The following SMARCC1 variants were observed in gnomAD, a reference collection of about 807,000 sequenced individuals.
The protein encoded by SMARCC1 is SWI/SNF complex subunit SMARCC1.
A neutral mutation model predicts 147.4 loss-of-function variants in SMARCC1; 43 were observed. The observed-to-expected ratio is 0.29, with a 90% CI of 0.23 to 0.38. The LOEUF (loss-of-function observed/expected upper bound fraction) is 0.38, where lower values mean the gene tolerates loss of function less well. SMARCC1 is among the 10% of genes least tolerant of loss of function. The probability of loss-of-function intolerance (pLI) is 1.00; values close to 1 mark genes in which losing one functional copy is unlikely to be tolerated. For missense variants in SMARCC1, 1,119 were observed against 1,381.1 expected, an observed-to-expected ratio of 0.81 and a Z score of 3.01; for synonymous variants, 495 against 484.4, an observed-to-expected ratio of 1.02 and a Z score of -0.29.
chr3:47,730,040 G>A (rs978996275), intron 5 of SMARCC1, among the ~76,000 whole-genome samples: 5 of 152,086 alleles, frequency 3.3e-5, no homozygotes, highest in African/African-American at 4.8e-5. Context: ...TTAGCTGGGC[G>A]TGGTGGCACA....
chr3:47,622,425 A>G (rs2032747262), intron 24 of SMARCC1, 84 bp from the exon 25 acceptor site: 5 of 1,297,108 alleles, frequency 3.9e-6, no homozygotes, highest in Non-Finnish European at 5.5e-6. Flanking sequence ...TTCAAAGTAG[A>G]GATTATATAA....
intron 24 of SMARCC1, 117 bp from the exon 25 acceptor site, chr3:47,622,458 C>T: frequency 1.1e-6 from 1 of 943,024 alleles, no homozygotes; most frequent in Non-Finnish European, 1.7e-6. Flanking sequence ...CCCTATATGT[C>T]TCCTTTGTAA....
At chr3:47,705,912 C>A (rs1055042095) in intron 10 of SMARCC1, among the ~76,000 whole-genome samples, 2 of 152,142 alleles carry the variant, frequency 1.3e-5, no homozygotes, top group Non-Finnish European at 2.9e-5. Flanking sequence ...ACAATCTATT[C>A]AGTAGAAATC....
rs544362711 is a variant in SMARCC1 at position 47,702,565 on chromosome 3, C to G, written c.1041-1163G>C. On this transcript the variant is annotated intron_variant, in intron 10 of 27. Coordinates refer to ENST00000254480, the MANE Select transcript of SMARCC1 (RefSeq NM_003074.4). ...GAGGCCAGGAGTTCGAGACCAGCCT[C>G]GGAAACAGGGCGAGACCCCATCTCT... 4.6e-5 allele frequency among the ~76,000 whole-genome samples: 7 copies of G among 152,164 alleles called. No individual in the cohort carries two copies. In the East Asian group the frequency reaches 1.4e-3, roughly 29 times the overall value.
At chr3:47,615,837 C>A (rs904500469) in intron 25 of SMARCC1, among the ~76,000 whole-genome samples, 1 of 152,154 alleles carries the variant, frequency 6.6e-6, no homozygotes, top group Non-Finnish European at 1.5e-5. Context: ...GTGCCCACCA[C>A]CACGCCCGCC....
rs373659295 is a variant in SMARCC1 at position 47,745,881 on chromosome 3, A to G, written c.401+27T>C. The G allele has an allele frequency of 1.9e-5, 26 of 1,375,744 alleles. No individual in the cohort carries two copies. In the African/African-American group the frequency reaches 2.2e-4, roughly 12 times the overall value. The allele number at this position is 1,375,744 out of a possible 1,614,324, so 85.2% of individuals were successfully genotyped here. ...TTAAAAGTAAATAACTTAAGATCAA[A>G]ACATGCAAACAAATACAAAAACTTA... On this transcript the variant is annotated intron_variant, in intron 3 of 27. Transcript: ENST00000254480.
Position 47,610,336 on chromosome 3 carries a change from A to G in SMARCC1, c.2782-9T>C. 6.2e-7 allele frequency: 1 copy of G among 1,614,094 alleles called. No homozygotes were observed. The highest frequency in any genetic ancestry group is 8.5e-7 in the Non-Finnish European group (1 of 1,179,926). On this transcript the variant is annotated splice_polypyrimidine_tract_variant and intron_variant, in intron 25 of 27. Coordinates refer to ENST00000254480, the MANE Select transcript of SMARCC1 (RefSeq NM_003074.4). Reference sequence around the variant, plus strand: ...TGCCTCTGTTGTTCTAGCTGTAAGCAAAGGAAGTGGAAGAGAAATGACACC... The same window carrying G: ...TGCCTCTGTTGTTCTAGCTGTAAGCGAAGGAAGTGGAAGAGAAATGACACC...
At chr3:47,702,054 A>G (rs2106788282) in intron 10 of SMARCC1, among the ~76,000 whole-genome samples, 1 of 152,280 alleles carries the variant, frequency 6.6e-6, no homozygotes, top group East Asian at 1.9e-4. Flanking sequence ...CACATATGTG[A>G]TCAAAGATAC....
rs1259472534 is a variant in SMARCC1, at chr3:47,661,320, G to A, written c.2294C>T (p.Thr765Ile). Reference protein sequence around the residue: ...YGLESSCIAGTGPDEPEKLEG... With the variant: ...YGLESSCIAGIGPDEPEKLEG... Reference sequence around the variant, plus strand: ...AAGCTTCTCTGGCTCATCGGGCCCTGTGCCTGCAATGCAGCTGCTCTCCAG... The same window carrying A: ...AAGCTTCTCTGGCTCATCGGGCCCTATGCCTGCAATGCAGCTGCTCTCCAG... Residue 765 changes from threonine to isoleucine, a missense_variant, in exon 21 of 28, where the codon ACA becomes ATA. By Grantham distance (89) the Thr-to-Ile change is moderately conservative. Around this residue, in one of 6 missense-constraint regions of SMARCC1, gnomAD observed 157 missense variants for 158.6 expected, o/e 0.99. Coordinates refer to ENST00000254480, the MANE Select transcript of SMARCC1 (RefSeq NM_003074.4). 21 of 1,613,280 alleles carry A rather than the reference G, an allele frequency of 1.3e-5. No homozygotes were observed. The East Asian group carries it at 4.2e-4, about 33-fold the overall frequency.
intron 2 of SMARCC1, among the ~76,000 whole-genome samples, chr3:47,749,147 T>C (rs1166269104): frequency 1.3e-5 from 2 of 151,630 alleles, no homozygotes; most frequent in East Asian, 3.9e-4. Flanking sequence ...TACCAAAAAA[T>C]ACAAAAATTA....
chr3:47,752,504 A>G (rs1053779621), intron 2 of SMARCC1, among the ~76,000 whole-genome samples: 1 of 152,216 alleles, frequency 6.6e-6, no homozygotes, highest in African/African-American at 2.4e-5. Flanking sequence ...ATAAAAAGGC[A>G]GCCGGATGCA....
At chr3:47,677,035 C>A (rs984544994) in intron 16 of SMARCC1, among the ~76,000 whole-genome samples, 4 of 152,066 alleles carry the variant, frequency 2.6e-5, no homozygotes, top group Admixed American at 1.3e-4. Flanking sequence ...AATGAGAGCA[C>A]GAATACGCAT....
intron 11 of SMARCC1, among the ~76,000 whole-genome samples, chr3:47,695,700 T>G (rs1293347048): frequency 4.8e-5 from 7 of 144,860 alleles, no homozygotes; most frequent in African/African-American, 1.8e-4. Flanking sequence ...CCGGCGGAGG[T>G]TGCAGTGAGC....
At chr3:47,706,654 A>T in intron 9 of SMARCC1, 124 bp from the exon 10 acceptor site, 3 of 840,200 alleles carry the variant, frequency 3.6e-6, no homozygotes, top group Non-Finnish European at 5.0e-6. Context: ...GAGCAAATAA[A>T]AAGAATATCA....
At chr3:47,705,323 C>CAAAAA (rs754344034) in intron 10 of SMARCC1, among the ~76,000 whole-genome samples, 1 of 103,748 alleles carries the variant, frequency 9.6e-6, no homozygotes, top group Non-Finnish European at 1.9e-5. Flanking sequence ...GACTCCGTCT[C>CAAAAA]AAAAAAAAAA....
intron 1 of SMARCC1, among the ~76,000 whole-genome samples, chr3:47,778,190 C>CAAAAA (rs762774696): frequency 1.5e-4 from 8 of 53,136 alleles, no homozygotes; most frequent in Admixed American, 2.0e-4. Context: ...GACTCCATCT[C>CAAAAA]AAAAAAAAAA....
chr3:47,754,840 C>T (rs1226233491), intron 2 of SMARCC1, among the ~76,000 whole-genome samples: 2 of 152,118 alleles, frequency 1.3e-5, no homozygotes, highest in Non-Finnish European at 2.9e-5. Context: ...GTCAGGAGTT[C>T]GAGACCAGCC....
intron 1 of SMARCC1, among the ~76,000 whole-genome samples, chr3:47,775,226 T>A (rs1302513593): frequency 6.6e-6 from 1 of 150,600 alleles, no homozygotes; most frequent in East Asian, 2.0e-4. Context: ...AGTGGTGCGA[T>A]CTTGGCTCAC....
intron 18 of SMARCC1, among the ~76,000 whole-genome samples, chr3:47,672,107 C>G (rs2033509204): frequency 1.3e-5 from 2 of 152,288 alleles, no homozygotes. Context: ...AACAGTTGAC[C>G]TAAGCATTGC....
Sources: gnomAD v4.1 joint callset for allele counts (sites outside exome capture counted in the v4.1 genomes callset) on GRCh38, gnomAD v4.1.1 for gene constraint, gnomAD v4.1.1 regional missense constraint, MANE v1.5 for transcripts, NCBI Gene and HGNC (gene_info 2026-07-23, HGNC 2026-07-21) for gene names.